Variants in REL observed in about 807,000 individuals in gnomAD.
The protein encoded by REL is proto-oncogene c-Rel.
Under a neutral mutation model 45.9 loss-of-function variants are expected in REL, and 15 were observed. The observed-to-expected ratio is 0.33, with a 90% CI of 0.22 to 0.50. REL has a LOEUF of 0.50. Ranked by LOEUF, REL falls within the 20% of genes least tolerant of loss-of-function variation. The probability of loss-of-function intolerance (pLI) is 0.98; values close to 1 mark genes in which losing one functional copy is unlikely to be tolerated. For missense variants in REL, 601 were observed against 715.2 expected (o/e 0.84, Z 1.82); for synonymous variants, 239 against 242.1 (o/e 0.99, Z 0.12).
chr2:60,902,495 A>G (rs1306283661), intron 4 of REL, among the ~76,000 whole-genome samples: 2 of 151,030 alleles, frequency 1.3e-5, no homozygotes, highest in Non-Finnish European at 2.9e-5. Context: ...CCACTCAGGA[A>G]TATACCTTAA....
chr2:60,922,684 C>CT lies in REL; in HGVS notation c.*155dup. 7.7e-7 allele frequency: 1 copy of CT among 1,299,370 alleles called. No individual in the cohort carries two copies. The highest frequency in any genetic ancestry group is 2.3e-5 in the South Asian group (1 of 42,930). The allele number at this position is 1,299,370 out of a possible 1,614,324, so 80.5% of individuals were successfully genotyped here. The stretch of plus-strand genomic sequence containing the variant: ...ATACTGTATTTGAGAATATAAAAAA[C>CT]TTTTTTCAGGGAAGAAGCATACAAC... On this transcript the variant is annotated 3_prime_UTR_variant, in exon 10 of 10. Transcript: ENST00000394479.
chr2:60,892,713 A>G (rs1170671650), intron 2 of REL, among the ~76,000 whole-genome samples: 1 of 152,006 alleles, frequency 6.6e-6, no homozygotes, highest in Non-Finnish European at 1.5e-5. Context: ...TATAGGCGTG[A>G]GCCACTGCGT....
intron 4 of REL, among the ~76,000 whole-genome samples, chr2:60,905,256 G>A (rs970779158): frequency 1.5e-4 from 23 of 151,938 alleles, no homozygotes; most frequent in African/African-American, 5.1e-4. Context: ...CACCGCACCC[G>A]GCTAATTTTT....
At chr2:60,902,524 T>TA (rs1331161101) in intron 4 of REL, among the ~76,000 whole-genome samples, 1 of 119,170 alleles carries the variant, frequency 8.4e-6, no homozygotes, top group African/African-American at 3.1e-5. Flanking sequence ...TGTCAATACT[T>TA]ACAAATCTGT....
intron 1 of REL, among the ~76,000 whole-genome samples, chr2:60,885,039 A>T (rs78958792): frequency 0.023 from 3,452 of 152,292 alleles, 54 homozygotes; most frequent in Non-Finnish European, 0.034. Context: ...AATGGAGTTA[A>T]ATAATTAAGG....
At chr2:60,913,054 C>G (rs1673863666) in intron 4 of REL, among the ~76,000 whole-genome samples, 1 of 152,016 alleles carries the variant, frequency 6.6e-6, no homozygotes, top group Non-Finnish European at 1.5e-5. Context: ...AAAGTGTTTT[C>G]TATAAAACTT....
At chr2:60,886,527 G>A (rs1673075745) in intron 1 of REL, among the ~76,000 whole-genome samples, 1 of 152,026 alleles carries the variant, frequency 6.6e-6, no homozygotes, top group African/African-American at 2.4e-5. Flanking sequence ...TTTATCATGT[G>A]TAAGATGGGA....
intron 4 of REL, among the ~76,000 whole-genome samples, chr2:60,913,216 A>C (rs919873481): frequency 2.0e-5 from 3 of 152,088 alleles, no homozygotes; most frequent in African/African-American, 7.2e-5. Context: ...TATATGTCTG[A>C]AAACTTCATT....
chr2:60,886,046 A>G (rs187919019), intron 1 of REL, among the ~76,000 whole-genome samples: 90 of 152,306 alleles, frequency 5.9e-4, no homozygotes, highest in Admixed American at 1.1e-3. Context: ...GTCCCAGTCC[A>G]TATTTGTACC....
At chr2:60,893,526 T>G (rs1673274168) in intron 2 of REL, among the ~76,000 whole-genome samples, 1 of 152,238 alleles carries the variant, frequency 6.6e-6, no homozygotes, top group South Asian at 2.1e-4. Flanking sequence ...ATATGTATTT[T>G]TACCATTCCA....
At position 60,929,769 on chromosome 2, in the gene REL, TGTAA is replaced by T. The variant is rs1310473571; in HGVS notation, c.*7239_*7242del. 1.3e-5 allele frequency: 2 copies of T among 151,696 alleles called. No individual in the cohort carries two copies. The highest frequency in any genetic ancestry group is 2.4e-5 in the African/African-American group (1 of 41,256). 9.4% of individuals were successfully genotyped at this position (151,696 alleles called of 1,614,324 possible). A position where few individuals can be genotyped will look rare whatever the true frequency, so the allele number is the denominator to read the frequency against. On this transcript the variant is annotated 3_prime_UTR_variant, in exon 10 of 10. Coordinates refer to ENST00000394479, the MANE Select transcript of REL (RefSeq NM_001291746.2). Reference sequence around the variant, plus strand: ...CACCAGCATGGCACATGTATACATATGTAAGTAACCTGCACAATGTGCACATGTA... The same window carrying T: ...CACCAGCATGGCACATGTATACATATGTAACCTGCACAATGTGCACATGTA...
At chr2:60,910,671 C>A (rs886410924) in intron 4 of REL, among the ~76,000 whole-genome samples, 1 of 152,166 alleles carries the variant, frequency 6.6e-6, no homozygotes, top group Admixed American at 6.5e-5. Context: ...CGGCCACTCA[C>A]ACCTGTAATC....
chr2:60,881,829 G>T lies in REL; in HGVS notation c.-12G>T. ...TGGGAGCTGCCTGCGGGAAGGTGCG[G>T]GGAGCGGAGCCATGGCCTCCGGTGA... On this transcript the variant is annotated 5_prime_UTR_variant, in exon 1 of 10. Transcript: ENST00000394479. The T allele has an allele frequency of 6.6e-7, 1 of 1,522,826 alleles. No homozygotes were observed. Among genetic ancestry groups the T allele is most frequent in the Non-Finnish European group, 8.8e-7 (1 of 1,136,226 alleles). 94.3% of individuals were successfully genotyped at this position (1,522,826 alleles called of 1,614,324 possible). A position where few individuals can be genotyped will look rare whatever the true frequency, so the allele number is the denominator to read the frequency against.
intron 4 of REL, among the ~76,000 whole-genome samples, chr2:60,902,662 C>T (rs1346354286): frequency 6.7e-6 from 1 of 148,418 alleles, no homozygotes; most frequent in African/African-American, 2.5e-5. Flanking sequence ...GATGTGATCA[C>T]AGATCACTGC....
At chr2:60,894,881 A>C in intron 3 of REL, among the ~76,000 whole-genome samples, 1 of 90,804 alleles carries the variant, frequency 1.1e-5, no homozygotes, top group South Asian at 3.4e-4. Context: ...TTTGAGATGG[A>C]GTTTTACCCT....
At chr2:60,904,894 T>A (rs9752570) in intron 4 of REL, among the ~76,000 whole-genome samples, 33,552 of 151,924 alleles carry the variant, frequency 0.22, 3,874 homozygotes, top group Middle Eastern at 0.35. Flanking sequence ...CGTCTCTAAG[T>A]AAAGAAAAGG....
chr2:60,907,319 T>C (rs1399936566), intron 4 of REL, among the ~76,000 whole-genome samples: 8 of 152,124 alleles, frequency 5.3e-5, no homozygotes. Flanking sequence ...CTGTCTTCCT[T>C]GTATCTCTGG....
chr2:60,881,780 T>TGCGGCC lies in REL; in HGVS notation c.-58_-53dup. 6.6e-7 allele frequency: 1 copy of TGCGGCC among 1,510,876 alleles called. No homozygotes were observed. Among genetic ancestry groups the TGCGGCC allele is most frequent in the Non-Finnish European group, 8.9e-7 (1 of 1,124,152 alleles). The allele number at this position is 1,510,876 out of a possible 1,614,324, so 93.6% of individuals were successfully genotyped here. On this transcript the variant is annotated 5_prime_UTR_variant, in exon 1 of 10. Transcript: ENST00000394479. ...TCCCTCGGCCTCCTGACTGACTGAC[T>TGCGGCC]GCGGCCGCCTCCGGCCAGGACGCTG...
chr2:60,908,738 T>A (rs1673727374), intron 4 of REL, among the ~76,000 whole-genome samples: 2 of 152,226 alleles, frequency 1.3e-5, no homozygotes, highest in Admixed American at 6.5e-5. Context: ...TAAAATTGAT[T>A]TTGACAATAA....
Sources: allele counts gnomAD v4.1 joint callset (sites outside exome capture counted in the v4.1 genomes callset), GRCh38; gene constraint gnomAD v4.1.1; transcripts MANE v1.5; gene names NCBI Gene and HGNC (gene_info 2026-07-23, HGNC 2026-07-21).